The following DPP6 variants were observed in gnomAD, a reference collection of about 807,000 sequenced individuals.
The protein encoded by DPP6 is dipeptidyl peptidase like 6.
In DPP6, 69 loss-of-function variants were observed where a neutral mutation model predicts 122.6. The observed-to-expected ratio is 0.56, with a 90% CI of 0.46 to 0.69. The LOEUF (loss-of-function observed/expected upper bound fraction) is 0.69, where lower values mean the gene tolerates loss of function less well. DPP6 is among the 30% of genes least tolerant of loss of function. The pLI is 0.00. For missense variants in DPP6, 928 were observed against 1,116.9 expected (o/e 0.83, Z 2.41); for synonymous variants, 418 against 433.1 (o/e 0.97, Z 0.43).
intron 1 of DPP6, among the ~76,000 whole-genome samples, chr7:154,424,763 G>A (rs1202741703): frequency 6.6e-6 from 1 of 152,190 alleles, no homozygotes; most frequent in Non-Finnish European, 1.5e-5. Flanking sequence ...TCTAGATCTA[G>A]AAGTTGCCAC....
intron 5 of DPP6, among the ~76,000 whole-genome samples, chr7:154,615,019 A>G (rs563125315): frequency 2.6e-4 from 40 of 152,172 alleles, no homozygotes; most frequent in Non-Finnish European, 3.7e-4. Flanking sequence ...GGTCAGCTGG[A>G]GGCCCCTATT....
chr7:154,028,114 G>A (rs1417515211), intron 1 of DPP6, among the ~76,000 whole-genome samples: 14 of 151,850 alleles, frequency 9.2e-5, no homozygotes, highest in African/African-American at 1.5e-4. Context: ...CCCCACCCTC[G>A]CATGGCTGTG....
At chr7:154,324,709 C>T (rs1205046460) in intron 1 of DPP6, among the ~76,000 whole-genome samples, 4 of 152,114 alleles carry the variant, frequency 2.6e-5, no homozygotes, top group East Asian at 1.9e-4. Context: ...CTTGTCCTGA[C>T]GTGGAAACCG....
intron 1 of DPP6, among the ~76,000 whole-genome samples, chr7:154,215,156 C>A (rs1164652155): frequency 6.6e-6 from 1 of 152,084 alleles, no homozygotes; most frequent in African/African-American, 2.4e-5. Context: ...AGGAAAGTTA[C>A]AGTGATGGCG....
At position 154,055,090 on chromosome 7, in the gene DPP6, C is replaced by CTTTT. The variant is rs374982845; in HGVS notation, c.243+2039_243+2042dup. Among the ~76,000 whole-genome samples, 249 of 128,954 alleles carry CTTTT rather than the reference C, an allele frequency of 1.9e-3. 2 individuals carry two copies. Among genetic ancestry groups the CTTTT allele is most frequent in the African/African-American group, 6.6e-3 (227 of 34,476 alleles). The allele number at this position is 128,954 out of a possible 152,430, so 84.6% of individuals were successfully genotyped here. ...TAACTTAGATGTAAGTCCTGACATGCTTTTTTTTTTTTTTTCTGGAAAATA... is the reference window on the plus strand; with the variant it reads ...TAACTTAGATGTAAGTCCTGACATGCTTTTTTTTTTTTTTTTTTTCTGGAAAATA... On this transcript the variant is annotated intron_variant, in intron 1 of 25. Coordinates refer to ENST00000377770, the MANE Select transcript of DPP6 (RefSeq NM_130797.4).
In DPP6 at chr7:154,230,164, C is replaced by T. The variant is rs558958203; in HGVS notation, c.243+177101C>T. ...TCCTCCAACCCCTCCCTCCTATCCTCTCCCCATCCTCCCACACAGATATGG... is the reference window on the plus strand; with the variant it reads ...TCCTCCAACCCCTCCCTCCTATCCTTTCCCCATCCTCCCACACAGATATGG... On this transcript the variant is annotated intron_variant, in intron 1 of 25. Transcript: ENST00000377770. Among the ~76,000 whole-genome samples, 5 of 152,238 alleles carry T rather than the reference C, an allele frequency of 3.3e-5. No homozygotes were observed. In the East Asian group the frequency reaches 9.7e-4, roughly 30 times the overall value.
chr7:154,107,476 G>T (rs909810292), intron 1 of DPP6, among the ~76,000 whole-genome samples: 1 of 152,080 alleles, frequency 6.6e-6, no homozygotes, highest in Admixed American at 6.6e-5. Context: ...TGGACAGGAG[G>T]CATAAGTTTT....
chr7:154,650,991 T>A (rs1836841270), intron 6 of DPP6, among the ~76,000 whole-genome samples: 1 of 152,202 alleles, frequency 6.6e-6, no homozygotes, highest in Non-Finnish European at 1.5e-5. Flanking sequence ...TCCTAACTGA[T>A]TCACCACACC....
chr7:154,363,629 C>G (rs1347761739), intron 1 of DPP6, among the ~76,000 whole-genome samples: 1 of 152,108 alleles, frequency 6.6e-6, no homozygotes, highest in Non-Finnish European at 1.5e-5. Context: ...AAACCATGCT[C>G]CGTGGGTTGA....
At chr7:154,132,011 A>G (rs1162245278) in intron 1 of DPP6, among the ~76,000 whole-genome samples, 13 of 152,296 alleles carry the variant, frequency 8.5e-5, no homozygotes, top group African/African-American at 2.2e-4. Context: ...TTGAGGGACA[A>G]ATTTGGCAAG....
At chr7:153,957,915 G>C (rs1351100373) in intron 1 of DPP6, among the ~76,000 whole-genome samples, 2 of 152,148 alleles carry the variant, frequency 1.3e-5, no homozygotes, top group African/African-American at 2.4e-5. Flanking sequence ...TGTAATCCCA[G>C]CACTTGGGGA....
chr7:154,170,144 C>T (rs887135406), intron 1 of DPP6, among the ~76,000 whole-genome samples: 9 of 152,142 alleles, frequency 5.9e-5, no homozygotes, highest in Non-Finnish European at 1.2e-4. Flanking sequence ...CACTGATTTG[C>T]TTAGTGGGGC....
At chr7:154,419,015 T>C (rs530228839) in intron 1 of DPP6, among the ~76,000 whole-genome samples, 1 of 152,324 alleles carries the variant, frequency 6.6e-6, no homozygotes, top group South Asian at 2.1e-4. Context: ...TCATAGGCAA[T>C]GACTAATATT....
intron 1 of DPP6, among the ~76,000 whole-genome samples, chr7:154,218,633 T>TA (rs1260631770): frequency 6.6e-6 from 1 of 152,228 alleles, no homozygotes; most frequent in Non-Finnish European, 1.5e-5. Flanking sequence ...GTCTGCAGCT[T>TA]TGCACTAAGA....
intron 16 of DPP6, among the ~76,000 whole-genome samples, chr7:154,811,055 C>A (rs553406068): frequency 7.3e-4 from 111 of 152,240 alleles, no homozygotes; most frequent in Non-Finnish European, 1.4e-3. Flanking sequence ...TAGCCTGTTG[C>A]CTCATCTTAA....
intron 5 of DPP6, among the ~76,000 whole-genome samples, chr7:154,621,070 A>C (rs1834615994): frequency 6.6e-6 from 1 of 152,026 alleles, no homozygotes; most frequent in Non-Finnish European, 1.5e-5. Flanking sequence ...CCTCAATACT[A>C]CCCCTATGTT....
the DPP6 span, among the ~76,000 whole-genome samples, chr7:153,829,885 A>G: frequency 6.6e-6 from 1 of 152,170 alleles, no homozygotes; most frequent in East Asian, 1.9e-4. Context: ...ACCCCTTCTT[A>G]TAACTGCAAG....
chr7:154,388,431 G>A (rs1444844783), intron 1 of DPP6, among the ~76,000 whole-genome samples: 1 of 152,126 alleles, frequency 6.6e-6, no homozygotes, highest in African/African-American at 2.4e-5. Flanking sequence ...AGAATTACTT[G>A]GAGCACTTTT....
At chr7:154,459,315 C>A (rs961713182) in intron 2 of DPP6, among the ~76,000 whole-genome samples, 1 of 152,128 alleles carries the variant, frequency 6.6e-6, no homozygotes, top group South Asian at 2.1e-4. Context: ...AATTGTTCCA[C>A]CCATTATTTC....
Sources: allele counts gnomAD v4.1 joint callset (sites outside exome capture counted in the v4.1 genomes callset), GRCh38; gene constraint gnomAD v4.1.1; transcripts MANE v1.5; gene names NCBI Gene and HGNC (gene_info 2026-07-23, HGNC 2026-07-21).